The following FCHO2 variants were observed in gnomAD, a reference collection of about 807,000 sequenced individuals.
FCHO2 encodes the protein F-BAR domain only protein 2.
FCHO2 carries 43 observed loss-of-function variants against 114.1 expected under a neutral mutation model. The observed-to-expected ratio is 0.38, with a 90% confidence interval of 0.30 to 0.49. The LOEUF (loss-of-function observed/expected upper bound fraction) is 0.49. Ranked by LOEUF, FCHO2 falls within the 20% of genes least tolerant of loss-of-function variation. FCHO2 has a pLI of 0.97. For missense variants in FCHO2, 807 were observed against 950.4 expected (o/e 0.85, Z 1.98); for synonymous variants, 293 against 315.2 (o/e 0.93, Z 0.75).
intron 11 of FCHO2, among the ~76,000 whole-genome samples, chr5:73,050,776 G>GT (rs923614039): frequency 4.6e-5 from 7 of 151,860 alleles, no homozygotes; most frequent in African/African-American, 1.7e-4. Flanking sequence ...CCAGGTTCAA[G>GT]TTTTTTTTGG....
chr5:73,078,089 A>T, intron 21 of FCHO2, 91 bp from the exon 22 acceptor site: 3 of 970,702 alleles, frequency 3.1e-6, no homozygotes, highest in Non-Finnish European at 4.3e-6. Context: ...GTTTATTTCT[A>T]CTAGTTTTTC....
rs187399483 is a variant in FCHO2, at chr5:73,039,864, G to A, written c.915-1427G>A. Among the ~76,000 whole-genome samples, 619 of 151,364 alleles carry A rather than the reference G, an allele frequency of 4.1e-3. 3 individuals carry two copies. Among genetic ancestry groups the A allele is most frequent in the Non-Finnish European group, 5.4e-3 (365 of 67,886 alleles). ...AATTGCTTGAACCTGGAAGGCCGAA[G>A]TTGCAGTGAGCCGAGACGATGCCAC... On this transcript the variant is annotated intron_variant, in intron 10 of 25. Transcript: ENST00000430046.
intron 1 of FCHO2, among the ~76,000 whole-genome samples, chr5:72,959,854 G>A (rs746863963): frequency 8.2e-4 from 124 of 151,064 alleles, no homozygotes; most frequent in Non-Finnish European, 1.3e-3. Context: ...AGCATGGCTC[G>A]CTGCAGCTTC....
chr5:73,021,251 C>T, intron 8 of FCHO2: 1 of 616,892 alleles, frequency 1.6e-6, no homozygotes, highest in Non-Finnish European at 3.0e-6. Context: ...CTCTTCATCC[C>T]ACAGTAACAT....
intron 2 of FCHO2, among the ~76,000 whole-genome samples, chr5:72,971,679 T>C (rs1353228600): frequency 6.6e-6 from 1 of 152,230 alleles, no homozygotes; most frequent in Non-Finnish European, 1.5e-5. Flanking sequence ...GTAGTTTCTT[T>C]TGCTGTGCAG....
chr5:73,001,245 A>T lies in FCHO2; in HGVS notation c.496-5200A>T, dbSNP rs182826754. Among the ~76,000 whole-genome samples the T allele has an allele frequency of 2.8e-3, 422 of 152,140 alleles. 2 individuals carry two copies. In the Middle Eastern group the frequency reaches 0.034, roughly 12 times the overall value. Reference sequence around the variant, plus strand: ...GACCCCATCTCTACAAAAAGTTTTTAAAAAAATTAGTCAGTGTGAGATCGC... The same window carrying T: ...GACCCCATCTCTACAAAAAGTTTTTTAAAAAATTAGTCAGTGTGAGATCGC... On this transcript the variant is annotated intron_variant, in intron 5 of 25. Transcript: ENST00000430046.
chr5:73,080,123 C>T (rs1031521567), intron 22 of FCHO2, among the ~76,000 whole-genome samples: 1 of 152,140 alleles, frequency 6.6e-6, no homozygotes, highest in African/African-American at 2.4e-5. Flanking sequence ...ACAGGGCTTA[C>T]CCCAAAGAGC....
chr5:73,006,652 G>T, intron 6 of FCHO2, 103 bp downstream of exon 6: 1 of 712,468 alleles, frequency 1.4e-6, no homozygotes, highest in South Asian at 3.4e-5. Context: ...GTTTTAAAAT[G>T]CACAATCTCA....
chr5:73,014,566 G>A (rs980313529), intron 6 of FCHO2, among the ~76,000 whole-genome samples: 1 of 152,004 alleles, frequency 6.6e-6, no homozygotes, highest in Non-Finnish European at 1.5e-5. Context: ...GGGATTATAG[G>A]TGTGAGCCAC....
chr5:73,051,552 G>T (rs567655677), intron 12 of FCHO2, 146 bp downstream of exon 12: 5 of 595,068 alleles, frequency 8.4e-6, no homozygotes, highest in African/African-American at 2.0e-5. Context: ...GTTTTTTGTT[G>T]TTGTTGTTTT....
intron 15 of FCHO2, 117 bp from the exon 16 acceptor site, chr5:73,055,944 TTATC>T: frequency 1.6e-6 from 1 of 633,252 alleles, no homozygotes; most frequent in Non-Finnish European, 2.7e-6. Context: ...TGTATTTACA[TTATC>T]AATTCCAAAA....
chr5:73,006,361 T>A, intron 5 of FCHO2, 84 bp from the exon 6 acceptor site: 1 of 799,256 alleles, frequency 1.3e-6, no homozygotes, highest in East Asian at 3.3e-5. Flanking sequence ...AAATGTATTT[T>A]AATTTGTTAT....
chr5:73,037,326 G>A, intron 10 of FCHO2, 111 bp downstream of exon 10: 1 of 606,868 alleles, frequency 1.6e-6, no homozygotes, highest in Non-Finnish European at 2.6e-6. Context: ...AAAAGTATAT[G>A]TGTAAGGTGT....
chr5:72,997,601 C>T (rs1026464036), intron 5 of FCHO2: 9 of 1,380,726 alleles, frequency 6.5e-6, no homozygotes, highest in South Asian at 5.8e-5. Context: ...CGCTGATGTT[C>T]GTTCCGTGCT....
chr5:72,957,400 C>T (rs765603617), intron 1 of FCHO2, among the ~76,000 whole-genome samples: 9 of 152,172 alleles, frequency 5.9e-5, no homozygotes, highest in Non-Finnish European at 1.0e-4. Context: ...CTGCCCCAGG[C>T]CTAGGCAACT....
chr5:72,979,911 A>AT (rs1561418401), intron 2 of FCHO2, among the ~76,000 whole-genome samples: 1 of 151,932 alleles, frequency 6.6e-6, no homozygotes, highest in East Asian at 1.9e-4. Context: ...GGATTCATTG[A>AT]TTTTTTTGAA....
chr5:73,037,429 CATT>C (rs1756574222), intron 10 of FCHO2, among the ~76,000 whole-genome samples: 1 of 151,652 alleles, frequency 6.6e-6, no homozygotes, highest in East Asian at 1.9e-4. Flanking sequence ...AATGTTAAGA[CATT>C]ATAGACAAAA....
chr5:72,983,362 CT>C (rs1364474452), intron 2 of FCHO2, among the ~76,000 whole-genome samples: 13 of 152,046 alleles, frequency 8.6e-5, no homozygotes, highest in African/African-American at 3.1e-4. Flanking sequence ...TATCCCTCCC[CT>C]AGCTTTATTT....
At chr5:73,039,399 A>G (rs1310360711) in intron 10 of FCHO2, among the ~76,000 whole-genome samples, 3 of 152,244 alleles carry the variant, frequency 2.0e-5, no homozygotes, top group African/African-American at 7.2e-5. Flanking sequence ...TTGGAACTTT[A>G]ACACTTCCTT....
Sources: gnomAD v4.1 joint callset for allele counts (sites outside exome capture counted in the v4.1 genomes callset) on GRCh38, gnomAD v4.1.1 for gene constraint, MANE v1.5 for transcripts, NCBI Gene and HGNC (gene_info 2026-07-23, HGNC 2026-07-21) for gene names.